Variants in UNC79 observed in about 807,000 individuals in gnomAD.
UNC79 encodes the protein unc-79 subunit of NALCN channel complex.
In UNC79, 37 loss-of-function variants were observed where a neutral mutation model predicts 283.1. The ratio of observed to expected loss-of-function variants is 0.13; its 90% CI spans 0.10 to 0.17. UNC79 has a LOEUF of 0.17. UNC79 is among the 10% of genes least tolerant of loss of function. The pLI, the probability that UNC79 is intolerant of heterozygous loss-of-function variation, is 1.00. For missense variants in UNC79, 2,272 were observed against 3,211.1 expected (o/e 0.71, Z 7.07); for synonymous variants, 1,107 against 1,200.2 (o/e 0.92, Z 1.61).
chr14:93,375,296 C>T (rs562689096), intron 1 of UNC79, among the ~76,000 whole-genome samples: 2 of 152,240 alleles, frequency 1.3e-5, no homozygotes, highest in South Asian at 2.1e-4. Flanking sequence ...GTAGGAGGAT[C>T]ACCTGAGCCC....
chr14:93,492,846 G>A (rs1373647553), intron 5 of UNC79, among the ~76,000 whole-genome samples: 1 of 152,144 alleles, frequency 6.6e-6, no homozygotes, highest in Non-Finnish European at 1.5e-5. Context: ...ATTCAGTGAT[G>A]GCTTAAGACC....
At chr14:93,492,874 G>C (rs2058800314) in intron 5 of UNC79, among the ~76,000 whole-genome samples, 1 of 152,174 alleles carries the variant, frequency 6.6e-6, no homozygotes. Context: ...CAATTCTAGA[G>C]CAACCATTCA....
Position 93,618,169 on chromosome 14 carries a change from TTCTC to T in UNC79, c.4225-18_4225-15del. ...CCCTCTAAAATAACCATTTATCTTT[TTCTC>T]TCTCGTTTCATTGGGCAGTATCCAT... is the stretch of plus-strand genomic sequence containing the variant. On this transcript the variant is annotated intron_variant, in intron 28 of 48. Coordinates refer to ENST00000555664, the Ensembl canonical transcript of UNC79. The T allele has an allele frequency of 6.3e-7, 1 of 1,596,604 alleles. No individual in the cohort carries two copies. Among genetic ancestry groups the T allele is most frequent in the South Asian group, 1.1e-5 (1 of 87,720 alleles).
At chr14:93,551,582 A>G (rs922851742) in intron 14 of UNC79, among the ~76,000 whole-genome samples, 2 of 152,108 alleles carry the variant, frequency 1.3e-5, no homozygotes, top group African/African-American at 2.4e-5. Context: ...TTAATTTTGG[A>G]TCTCCTAAGG....
chr14:93,484,740 T>C (rs2058327205), intron 4 of UNC79, among the ~76,000 whole-genome samples: 1 of 152,198 alleles, frequency 6.6e-6, no homozygotes, highest in Non-Finnish European at 1.5e-5. Flanking sequence ...TTTAACAAGA[T>C]TCAATAAATG....
At chr14:93,672,978 T>C (rs546811954) in intron 40 of UNC79, among the ~76,000 whole-genome samples, 1 of 152,326 alleles carries the variant, frequency 6.6e-6, no homozygotes, top group Non-Finnish European at 1.5e-5. Context: ...GGTCACAGAA[T>C]AAAGAGTTGT....
chr14:93,597,391 G>C (rs1250411741), exon 24 of UNC79: 2 of 1,613,922 alleles, frequency 1.2e-6, no homozygotes, highest in Non-Finnish European at 1.7e-6. Context: ...TAGATTTCTG[G>C]ATATTCACTC....
intron 7 of UNC79, among the ~76,000 whole-genome samples, chr14:93,511,605 G>C (rs146293936): frequency 6.6e-6 from 1 of 151,820 alleles, no homozygotes; most frequent in African/African-American, 2.4e-5. Context: ...GTGCCACCAC[G>C]CCCAACTAAT....
intron 34 of UNC79, 26 bp downstream of exon 37, chr14:93,643,723 G>T: frequency 6.2e-7 from 1 of 1,609,806 alleles, no homozygotes. Flanking sequence ...TGTTTTGTTT[G>T]GTAGGAAGGT....
At chr14:93,518,329 T>C (rs190027580) in intron 7 of UNC79, among the ~76,000 whole-genome samples, 2 of 152,082 alleles carry the variant, frequency 1.3e-5, no homozygotes, top group East Asian at 3.9e-4. Context: ...TATTTGTGTC[T>C]TTTAAGGAAT....
chr14:93,685,094 A>G (rs1218051843), intron 42 of UNC79, among the ~76,000 whole-genome samples: 2 of 152,230 alleles, frequency 1.3e-5, no homozygotes, highest in Non-Finnish European at 2.9e-5. Flanking sequence ...TAAGGCTTTT[A>G]TCAGATGTAG....
At chr14:93,429,824 A>T (rs199853630), upstream of UNC79, among the ~76,000 whole-genome samples, 4 of 152,218 alleles carry the variant, frequency 2.6e-5, no homozygotes, top group South Asian at 8.3e-4. Context: ...TTAGTTTACA[A>T]GGACTTGCGC....
intron 8 of UNC79, among the ~76,000 whole-genome samples, chr14:93,525,654 T>G (rs1382857575): frequency 1.3e-5 from 2 of 152,172 alleles, no homozygotes; most frequent in Non-Finnish European, 2.9e-5. Context: ...ATGATGAGAC[T>G]TTCATGGTTC....
chr14:93,675,746 T>C (rs774065810), intron 41 of UNC79, among the ~76,000 whole-genome samples: 1 of 152,218 alleles, frequency 6.6e-6, no homozygotes, highest in Non-Finnish European at 1.5e-5. Context: ...CAATGAATGG[T>C]CTTGAGTTGT....
At chr14:93,660,211 C>G (rs1402996480) in intron 39 of UNC79, among the ~76,000 whole-genome samples, 1 of 152,062 alleles carries the variant, frequency 6.6e-6, no homozygotes, top group East Asian at 1.9e-4. Context: ...TTCATAGACT[C>G]ATGGTTTATG....
At chr14:93,559,241 G>A (rs900619766) in intron 14 of UNC79, among the ~76,000 whole-genome samples, 5 of 152,222 alleles carry the variant, frequency 3.3e-5, no homozygotes, top group Non-Finnish European at 7.3e-5. Flanking sequence ...ACAGGTTGGC[G>A]CTTGCCTTAT....
chr14:93,387,065 C>A (rs533271423), intron 1 of UNC79, among the ~76,000 whole-genome samples: 8 of 150,250 alleles, frequency 5.3e-5, no homozygotes, highest in Non-Finnish European at 8.9e-5. Context: ...GTCTCAGCCT[C>A]CCAAGTAGCT....
intron 14 of UNC79, among the ~76,000 whole-genome samples, chr14:93,546,152 G>A (rs1445229980): frequency 3.9e-5 from 6 of 152,210 alleles, no homozygotes; most frequent in Non-Finnish European, 7.3e-5. Context: ...TGCATATCTT[G>A]TGACCTCTGG....
intron 7 of UNC79, among the ~76,000 whole-genome samples, chr14:93,501,729 A>C (rs976198052): frequency 1.6e-4 from 25 of 152,096 alleles, no homozygotes; most frequent in African/African-American, 4.8e-4. Context: ...AGGAGGAAAA[A>C]CACCACCACC....
Sources: allele counts gnomAD v4.1 joint callset (sites outside exome capture counted in the v4.1 genomes callset), GRCh38; gene constraint gnomAD v4.1.1; transcripts MANE v1.5; gene names NCBI Gene and HGNC (gene_info 2026-07-23, HGNC 2026-07-21).